MORF4L2: variants seen among roughly 807,000 people sequenced by gnomAD.
MORF4L2 encodes mortality factor 4 like 2, also known as mortality factor 4-like protein 2.
Under a neutral mutation model 12.0 loss-of-function variants are expected in MORF4L2, and 1 was observed. The ratio of observed to expected loss-of-function variants is 0.08; its 90% CI spans 0.03 to 0.40. The LOEUF (loss-of-function observed/expected upper bound fraction) is 0.40. MORF4L2 is among the 10% of genes least tolerant of loss of function. The pLI, the probability that MORF4L2 is intolerant of heterozygous loss-of-function variation, is 0.98. For synonymous variants in MORF4L2, 69 were observed against 81.6 expected (o/e 0.85, Z 0.83); for missense variants, 123 against 214.0 (o/e 0.57, Z 2.65).
At chrX:103,680,181 G>A (rs745858172) in intron 2 of MORF4L2, among the ~76,000 whole-genome samples, 63 of 111,744 alleles carry the variant, frequency 5.6e-4, no homozygotes, top group Non-Finnish European at 9.8e-4. Context: ...GTGAGACTCT[G>A]TCAAACAAAC....
intron 2 of MORF4L2, among the ~76,000 whole-genome samples, chrX:103,681,451 C>T (rs1234468793): frequency 1.8e-5 from 2 of 111,676 alleles, no homozygotes; most frequent in Non-Finnish European, 3.8e-5. Context: ...ATGAGCATAC[C>T]TTAATTTACT....
chrX:103,679,024 C>CT (rs1174321176), intron 2 of MORF4L2, among the ~76,000 whole-genome samples: 2 of 112,025 alleles, frequency 1.8e-5, no homozygotes, highest in Non-Finnish European at 1.9e-5. Flanking sequence ...TACTGAAGAA[C>CT]TGGAAAACAC....
In MORF4L2 at chrX:103,675,525, AT is replaced by A. The variant is rs2073830884; in HGVS notation, c.*635del. The stretch of plus-strand genomic sequence containing the variant: ...GCTTTGAAATTTAGAAACAAATTTT[AT>A]TTAAGATCTGAAATACAATTCCTAA... On this transcript the variant is annotated 3_prime_UTR_variant, in exon 4 of 4. Transcript: ENST00000441076. The A allele has an allele frequency of 8.8e-6, 1 of 113,264 alleles. No individual in the cohort carries two copies. Among genetic ancestry groups the A allele is most frequent in the African/African-American group, 3.2e-5 (1 of 31,104 alleles). 9.3% of individuals were successfully genotyped at this position (113,264 alleles called of 1,213,427 possible). A position where few individuals can be genotyped will look rare whatever the true frequency, so the allele number is the denominator to read the frequency against.
In MORF4L2 at chrX:103,684,556, T is replaced by A. The variant is rs778379591; in HGVS notation, c.-178+615A>T. The A allele has an allele frequency of 1.5e-3, 166 of 112,333 alleles. 3 individuals are homozygous for A. The highest frequency in any genetic ancestry group is 5.0e-3 in the African/African-American group (154 of 30,974). The allele number at this position is 112,333 out of a possible 1,213,427, so 9.3% of individuals were successfully genotyped here. On this transcript the variant is annotated intron_variant, in intron 2 of 3. Transcript: ENST00000441076. ...GAAACCAACGGTATTAATTATTATTTTTTTTTTACACAATTCCAAAAAGAA... is the reference window on the plus strand; with the variant it reads ...GAAACCAACGGTATTAATTATTATTATTTTTTTACACAATTCCAAAAAGAA...
chrX:103,678,749 G>C (rs1305688369), intron 2 of MORF4L2, 98 bp from the exon 3 acceptor site: 1 of 112,538 alleles, frequency 8.9e-6, no homozygotes, highest in Non-Finnish European at 1.9e-5. Context: ...TGTAAATCGT[G>C]GTATCAGAGA....
At chrX:103,677,236 T>C (rs1335967481) in intron 3 of MORF4L2, among the ~76,000 whole-genome samples, 185 bp from the exon 4 acceptor site, 1 of 111,064 alleles carries the variant, frequency 9.0e-6, no homozygotes, top group African/African-American at 3.3e-5. Context: ...TGATCCTCAC[T>C]ACCAGCCACT....
chrX:103,686,339 ATTAT>A (rs2074108381), intron 1 of MORF4L2, among the ~76,000 whole-genome samples: 1 of 111,656 alleles, frequency 9.0e-6, no homozygotes, highest in South Asian at 3.7e-4. Context: ...TATTACGCGT[ATTAT>A]TTATCTCCAT....
chrX:103,687,433 G>T (rs1416527157), upstream of MORF4L2: 3 of 112,230 alleles, frequency 2.7e-5, no homozygotes, highest in Non-Finnish European at 5.6e-5. Context: ...AGCGGCCCTC[G>T]TGGCTCGGGA....
At position 103,676,069 on chromosome X, in the gene MORF4L2, G is replaced by A. The variant is rs1192604523; in HGVS notation, c.*92C>T. The A allele has an allele frequency of 1.1e-6, 1 of 934,081 alleles. No homozygotes were observed. The highest frequency in any genetic ancestry group is 2.0e-5 in the African/African-American group (1 of 50,694). 77.0% of individuals were successfully genotyped at this position (934,081 alleles called of 1,213,427 possible). A position where few individuals can be genotyped will look rare whatever the true frequency, so the allele number is the denominator to read the frequency against. On this transcript the variant is annotated 3_prime_UTR_variant, in exon 4 of 4. Coordinates refer to ENST00000441076, the MANE Select transcript of MORF4L2 (RefSeq NM_012286.3). ...AACATAAGCCCTGTTATACATTAAC[G>A]ATTTTAAAGAACATCAATTTTACAA... is the stretch of plus-strand genomic sequence containing the variant.
At chrX:103,682,350 C>T (rs1175912182) in intron 2 of MORF4L2, among the ~76,000 whole-genome samples, 5 of 112,041 alleles carry the variant, frequency 4.5e-5, no homozygotes, top group Non-Finnish European at 9.4e-5. Flanking sequence ...TTAAGTACCT[C>T]TGAAGGATAT....
chrX:103,677,112 T>A, intron 3 of MORF4L2, 61 bp from the exon 4 acceptor site: 8 of 881,797 alleles, frequency 9.1e-6, no homozygotes, highest in Non-Finnish European at 1.2e-5. Flanking sequence ...CTATGTTTCA[T>A]AAAGGCCCAT....
Position 103,676,495 on chromosome X carries a change from G to T in MORF4L2, c.533C>A (p.Ala178Glu), listed in dbSNP as rs377051485. The part of the protein sequence containing the change: ...SQGNVDNKEY[A>E]VNEVVAGIKE... ...TATTCCTGCCACAACTTCATTAACC[G>T]CATATTCCTTATTATCAACATTTCC... The change falls in exon 4 of 4, where the codon GCG becomes GAG. Residue 178 changes from alanine (A) to glutamate (E), a missense_variant. Ala to Glu is a moderately radical substitution (Grantham distance 107, BLOSUM62 -1). Coordinates refer to ENST00000441076, the MANE Select transcript of MORF4L2 (RefSeq NM_012286.3). 8.3e-7 allele frequency: 1 copy of T among 1,208,375 alleles called. No individual in the cohort carries two copies. Among genetic ancestry groups the T allele is most frequent in the Non-Finnish European group, 1.1e-6 (1 of 894,559 alleles).
chrX:103,676,384 G>C lies in MORF4L2; in HGVS notation c.644C>G (p.Pro215Arg). 8.3e-7 allele frequency: 1 copy of C among 1,211,674 alleles called. No individual in the cohort carries two copies. Among genetic ancestry groups the C allele is most frequent in the Non-Finnish European group, 1.1e-6 (1 of 895,379 alleles). Residue 215 changes from proline to arginine, a missense_variant, in exon 4 of 4, where the codon CCT (proline) becomes CGT (arginine). Coordinates refer to ENST00000441076, the MANE Select transcript of MORF4L2 (RefSeq NM_012286.3). The part of the protein sequence containing the change: ...PQYAEILLAH[P>R]DAPMSQVYGA... ...ATAAACCTGGGACATTGGAGCATCA[G>C]GGTGAGCCAAGAGGATTTCAGCATA...
chrX:103,678,784 C>G (rs1460626792), intron 2 of MORF4L2, 133 bp from the exon 3 acceptor site: 6 of 112,583 alleles, frequency 5.3e-5, no homozygotes, highest in Admixed American at 3.7e-4. Context: ...TGCTGTCAGA[C>G]AGATCTTTAC....
At chrX:103,680,838 T>C (rs2073969531) in intron 2 of MORF4L2, among the ~76,000 whole-genome samples, 2 of 112,459 alleles carry the variant, frequency 1.8e-5, no homozygotes, top group South Asian at 3.7e-4. Flanking sequence ...TAGTGGCATG[T>C]TGGCACTCAG....
intron 2 of MORF4L2, among the ~76,000 whole-genome samples, chrX:103,679,399 G>C (rs939940304): frequency 2.8e-5 from 3 of 105,300 alleles, no homozygotes; most frequent in Non-Finnish European, 5.9e-5. Context: ...CACGCCTGTA[G>C]TCTCAGCTAC....
chrX:103,676,113 A>G lies in MORF4L2; in HGVS notation c.*48T>C, dbSNP rs371269517. The G allele has an allele frequency of 1.7e-5, 19 of 1,111,835 alleles. No homozygotes were observed. The African/African-American group carries it at 3.0e-4, about 17-fold the overall frequency. 91.6% of individuals were successfully genotyped at this position (1,111,835 alleles called of 1,213,427 possible). On this transcript the variant is annotated 3_prime_UTR_variant, in exon 4 of 4. Transcript: ENST00000441076. Reference sequence around the variant, plus strand: ...TTTACAAGAAAAAGACTAAGAACAAAAAGTGTTTACAGATACAGGACAAAA... The same window carrying G: ...TTTACAAGAAAAAGACTAAGAACAAGAAGTGTTTACAGATACAGGACAAAA...
intron 3 of MORF4L2, among the ~76,000 whole-genome samples, chrX:103,677,390 T>C (rs1278563533): frequency 8.9e-6 from 1 of 112,108 alleles, no homozygotes; most frequent in Non-Finnish European, 1.9e-5. Context: ...TTAAGACTTT[T>C]GAACAGGAGA....
intron 3 of MORF4L2, 140 bp downstream of exon 3, chrX:103,678,359 A>T (rs934185340): frequency 8.9e-6 from 1 of 112,148 alleles, no homozygotes; most frequent in Non-Finnish European, 1.9e-5. Flanking sequence ...TTGGATGCCA[A>T]AGATGATGAG....
Sources: gnomAD v4.1 joint callset for allele counts (sites outside exome capture counted in the v4.1 genomes callset) on GRCh38, gnomAD v4.1.1 for gene constraint, MANE v1.5 for transcripts, NCBI Gene and HGNC (gene_info 2026-07-23, HGNC 2026-07-21) for gene names.